Variants in SLC16A2 observed in about 807,000 individuals in gnomAD.
SLC16A2 encodes monocarboxylate transporter 8.
SLC16A2 carries 3 observed loss-of-function variants against 27.2 expected under a neutral mutation model. That is an observed-to-expected ratio of 0.11 (90% CI 0.05 to 0.28). The LOEUF is 0.28. SLC16A2 is among the 10% of genes least tolerant of loss of function. SLC16A2 has a pLI of 1.00. For missense variants in SLC16A2, 295 were observed against 458.5 expected (o/e 0.64, Z 3.26); for synonymous variants, 202 against 187.8 (o/e 1.08, Z -0.62).
At chrX:74,453,881 A>C (rs1219158211) in intron 1 of SLC16A2, among the ~76,000 whole-genome samples, 1 of 112,001 alleles carries the variant, frequency 8.9e-6, no homozygotes, top group Non-Finnish European at 1.9e-5. Context: ...TTATTGATAC[A>C]TAATAATTGT....
At chrX:74,448,302 A>ATTTTTTTTTTTT in intron 1 of SLC16A2, among the ~76,000 whole-genome samples, 1 of 64,274 alleles carries the variant, frequency 1.6e-5, no homozygotes, top group Non-Finnish European at 2.7e-5. Context: ...AATCCTTTGG[A>ATTTTTTTTTTTT]TTTTTTTTTT....
chrX:74,439,004 A>C (rs1365741823), intron 1 of SLC16A2, among the ~76,000 whole-genome samples: 1 of 111,340 alleles, frequency 9.0e-6, no homozygotes, highest in East Asian at 2.9e-4. Context: ...TAGTTAATCC[A>C]GCCACAAAAA....
chrX:74,510,119 C>T (rs1469447080), intron 1 of SLC16A2, among the ~76,000 whole-genome samples: 1 of 110,579 alleles, frequency 9.0e-6, no homozygotes. Flanking sequence ...CTTGGTCAGC[C>T]CCTCTATGAT....
intron 1 of SLC16A2, among the ~76,000 whole-genome samples, chrX:74,481,611 T>C (rs1397730251): frequency 2.7e-5 from 3 of 109,982 alleles, no homozygotes; most frequent in Non-Finnish European, 3.8e-5. Context: ...TCATGAAGTC[T>C]AATTAAACGT....
chrX:74,457,989 G>T (rs1929066688), intron 1 of SLC16A2, among the ~76,000 whole-genome samples: 2 of 111,895 alleles, frequency 1.8e-5, no homozygotes, highest in Admixed American at 9.5e-5. Context: ...ACCACCAGTG[G>T]TCTTTCTTTT....
At chrX:74,511,241 G>A (rs1389801492) in intron 1 of SLC16A2, among the ~76,000 whole-genome samples, 1 of 110,413 alleles carries the variant, frequency 9.1e-6, no homozygotes, top group Non-Finnish European at 1.9e-5. Flanking sequence ...GAGTGCAGTG[G>A]CCCGATCTCG....
intron 1 of SLC16A2, among the ~76,000 whole-genome samples, chrX:74,476,397 T>C (rs1359176400): frequency 8.9e-6 from 1 of 112,192 alleles, no homozygotes; most frequent in Non-Finnish European, 1.9e-5. Flanking sequence ...TGGGATTTTC[T>C]AGATACACAA....
chrX:74,473,545 A>G, intron 1 of SLC16A2: 2 of 708,910 alleles, frequency 2.8e-6, no homozygotes, highest in Admixed American at 4.4e-5. Flanking sequence ...TCATGATTTC[A>G]ATTACTTCAA....
At chrX:74,472,051 A>G (rs913394327) in intron 1 of SLC16A2, among the ~76,000 whole-genome samples, 28 of 112,234 alleles carry the variant, frequency 2.5e-4, no homozygotes, top group African/African-American at 9.1e-4. Flanking sequence ...GCATATACAT[A>G]TACATTTTGT....
chrX:74,510,896 T>TAAA (rs576905046), intron 1 of SLC16A2, among the ~76,000 whole-genome samples: 27 of 93,011 alleles, frequency 2.9e-4, no homozygotes, highest in African/African-American at 9.4e-4. Context: ...TTCAAAAACT[T>TAAA]AAAAAAAAAA....
At chrX:74,506,937 A>ATTTT (rs34001854) in intron 1 of SLC16A2, among the ~76,000 whole-genome samples, 52 of 84,045 alleles carry the variant, frequency 6.2e-4, no homozygotes, top group African/African-American at 2.0e-3. Flanking sequence ...TTATTTATTT[A>ATTTT]TTTTTTTTTT....
At chrX:74,483,094 T>A (rs1929654573) in intron 1 of SLC16A2, among the ~76,000 whole-genome samples, 1 of 111,182 alleles carries the variant, frequency 9.0e-6, no homozygotes, top group South Asian at 3.8e-4. Flanking sequence ...TCTGGCCTAG[T>A]TCAATGAAGC....
intron 1 of SLC16A2, among the ~76,000 whole-genome samples, chrX:74,467,332 A>C: frequency 2.7e-5 from 3 of 111,552 alleles, no homozygotes; most frequent in African/African-American, 9.8e-5. Context: ...GTCTAAGGCT[A>C]AGGGGGGGCT....
At chrX:74,478,466 C>A (rs1286028549) in intron 1 of SLC16A2, among the ~76,000 whole-genome samples, 1 of 111,780 alleles carries the variant, frequency 8.9e-6, no homozygotes, top group East Asian at 2.8e-4. Context: ...TAATTGGGAG[C>A]ATTTAGCCCA....
chrX:74,526,096 T>C (rs1400456375), intron 4 of SLC16A2, among the ~76,000 whole-genome samples: 1 of 112,201 alleles, frequency 8.9e-6, no homozygotes, highest in Non-Finnish European at 1.9e-5. Context: ...GAGGATTCTG[T>C]GAGAGCAGTG....
intron 1 of SLC16A2, among the ~76,000 whole-genome samples, chrX:74,444,560 A>G (rs1253674810): frequency 8.9e-6 from 1 of 112,317 alleles, no homozygotes; most frequent in Non-Finnish European, 1.9e-5. Context: ...ACTTTGGGAA[A>G]GGTGCTTTAC....
chrX:74,440,715 G>T (rs1482363347), intron 1 of SLC16A2, among the ~76,000 whole-genome samples: 1 of 109,406 alleles, frequency 9.1e-6, no homozygotes, highest in Non-Finnish European at 1.9e-5. Context: ...GGAATTTTAA[G>T]TATATCCAAC....
At chrX:74,482,348 A>G (rs1376557628) in intron 1 of SLC16A2, among the ~76,000 whole-genome samples, 1 of 111,308 alleles carries the variant, frequency 9.0e-6, no homozygotes, top group Non-Finnish European at 1.9e-5. Context: ...CTTTCTTCAA[A>G]TTTTGAAAGT....
intron 1 of SLC16A2, among the ~76,000 whole-genome samples, chrX:74,448,535 T>A (rs1928880983): frequency 1.8e-5 from 2 of 110,358 alleles, no homozygotes; most frequent in Admixed American, 2.0e-4. Context: ...CCATGTCAGA[T>A]CCATCTCTGA....
Sources: allele counts gnomAD v4.1 joint callset (sites outside exome capture counted in the v4.1 genomes callset), GRCh38; gene constraint gnomAD v4.1.1; transcripts MANE v1.5; gene names NCBI Gene and HGNC (gene_info 2026-07-23, HGNC 2026-07-21).